RIF1: variants seen among roughly 807,000 people sequenced by gnomAD.
RIF1 encodes telomere-associated protein RIF1.
In RIF1, 45 loss-of-function variants were observed where a neutral mutation model predicts 247.1. That is an observed-to-expected ratio of 0.18 (90% CI 0.14 to 0.23). The LOEUF (loss-of-function observed/expected upper bound fraction) is 0.23, where lower values mean the gene tolerates loss of function less well. Ranked by LOEUF, RIF1 falls within the 10% of genes least tolerant of loss-of-function variation. RIF1 has a pLI of 1.00. For missense variants in RIF1, 2,967 were observed against 2,862.5 expected, an observed-to-expected ratio of 1.04 and a Z score of -0.83; for synonymous variants, 1,087 against 978.8, an observed-to-expected ratio of 1.11 and a Z score of -2.06.
At chr2:151,421,127 A>G (rs1688096065) in intron 7 of RIF1, among the ~76,000 whole-genome samples, 1 of 152,226 alleles carries the variant, frequency 6.6e-6, no homozygotes, top group South Asian at 2.1e-4. Flanking sequence ...GGCATCTGAT[A>G]TGTGCAGTGC....
At chr2:151,522,656 G>A in the RIF1 span, among the ~76,000 whole-genome samples, 1 of 152,208 alleles carries the variant, frequency 6.6e-6, no homozygotes, top group African/African-American at 2.4e-5. Context: ...AACCTGGTCA[G>A]TCTCCTGACC....
At chr2:151,497,935 G>A (rs547170182) in intron 10 of RIF1, 2 of 1,448,302 alleles carry the variant, frequency 1.4e-6, no homozygotes, top group Admixed American at 2.9e-5. Flanking sequence ...GGCTGTCAGA[G>A]TTATCCATGT....
the RIF1 span, chr2:151,525,411 T>G: frequency 4.7e-6 from 3 of 640,360 alleles, no homozygotes; most frequent in Non-Finnish European, 8.2e-6. Context: ...AGACCCATAT[T>G]CTAGTTCTTC....
chr2:151,495,432 C>T (rs1194771445), intron 10 of RIF1: 1 of 129,092 alleles, frequency 7.7e-6, no homozygotes, highest in Non-Finnish European at 1.7e-5. Flanking sequence ...CTTCACAAAC[C>T]CTGCACGTTA....
Position 151,438,958 on chromosome 2 carries a change from A to G in RIF1, c.1546+212A>G, listed in dbSNP as rs114948641. ...CCACCACATGGTCCAAAATCTACAT[A>G]TAACTTCAGACTCCCCCAGAACTTA... On this transcript the variant is annotated intron_variant, in intron 14 of 35. Coordinates refer to ENST00000444746, the MANE Select transcript of RIF1 (RefSeq NM_018151.5). 3.8e-3 allele frequency among the ~76,000 whole-genome samples: 574 copies of G among 152,348 alleles called. 3 individuals are homozygous for G. Among genetic ancestry groups the G allele is most frequent in the African/African-American group, 0.013 (549 of 41,584 alleles).
In RIF1 at chr2:151,496,572, C is replaced by A. The variant is rs185128155; in HGVS notation, c.*513+1246C>A. Among the ~76,000 whole-genome samples, 312 of 152,234 alleles carry A rather than the reference C, an allele frequency of 2.0e-3. 1 individual carries two copies. Among genetic ancestry groups the A allele is most frequent in the African/African-American group, 6.9e-3 (288 of 41,550 alleles). ...TCTGCACCCTCTAGAGAAGCAGGGA[C>A]CTCAGCTGCTGGGGAAAGGCTGTCA... On this transcript the variant is annotated intron_variant and NMD_transcript_variant, in intron 10 of 13. Coordinates refer to the RIF1 transcript ENST00000454583.
At chr2:151,447,883 T>C (rs1402292018) in intron 20 of RIF1, among the ~76,000 whole-genome samples, 1 of 152,174 alleles carries the variant, frequency 6.6e-6, no homozygotes, top group African/African-American at 2.4e-5. Context: ...TTTTCTATTA[T>C]TTATTACTGT....
chr2:151,441,124 G>A (rs1366619122), intron 15 of RIF1, among the ~76,000 whole-genome samples: 2 of 152,120 alleles, frequency 1.3e-5, no homozygotes, highest in African/African-American at 4.8e-5. Context: ...TGGAAGCAGA[G>A]GTGGGAGAAT....
In RIF1 at chr2:151,469,762, T is replaced by G. The variant is rs762774845; in HGVS notation, c.6993T>G (p.Gly2331=). 1.2e-6 allele frequency: 2 copies of G among 1,609,222 alleles called. No homozygotes were observed. Among genetic ancestry groups the G allele is most frequent in the South Asian group, 2.2e-5 (2 of 90,352 alleles). Reference sequence around the variant, plus strand: ...GAGCTAAGAATATAAAAACTATTGGTGATTTGAGTACTCTTACAGCATCTG... The same window carrying G: ...GAGCTAAGAATATAAAAACTATTGGGGATTTGAGTACTCTTACAGCATCTG... ...LIRAKNIKTI[G]DLSTLTASEI... is the part of the protein sequence containing the mutation. Residue 2331 remains glycine, a synonymous_variant, in exon 34 of 36, where the codon GGT becomes GGG. Transcript: ENST00000444746.
In RIF1 at chr2:151,409,951, G is replaced by A. The variant is rs75732944; in HGVS notation, c.-93G>A. On this transcript the variant is annotated 5_prime_UTR_variant, in exon 1 of 36. Transcript: ENST00000444746. ...AGCGCGCCGCACGCGTGAGTAAACAGCCGGAGCTGGGAAAGTCGAGCTCTG... is the reference window on the plus strand; with the variant it reads ...AGCGCGCCGCACGCGTGAGTAAACAACCGGAGCTGGGAAAGTCGAGCTCTG... The A allele has an allele frequency of 2.9e-6, 2 of 701,714 alleles. No individual in the cohort carries two copies. Among genetic ancestry groups the A allele is most frequent in the African/African-American group, 1.7e-5 (1 of 57,362 alleles). 43.5% of individuals were successfully genotyped at this position (701,714 alleles called of 1,614,324 possible). A position where few individuals can be genotyped will look rare whatever the true frequency, so the allele number is the denominator to read the frequency against.
intron 34 of RIF1, 23 bp downstream of exon 34, chr2:151,469,887 T>C (rs1185353486): frequency 6.5e-7 from 1 of 1,537,712 alleles, no homozygotes; most frequent in East Asian, 2.3e-5. Context: ...ATATTAGCTA[T>C]GATGTATATT....
intron 8 of RIF1, among the ~76,000 whole-genome samples, chr2:151,426,948 A>G (rs1482511179): frequency 6.6e-6 from 1 of 152,140 alleles, no homozygotes; most frequent in South Asian, 2.1e-4. Context: ...TGCCAGGCCT[A>G]GGTCTTTAAT....
the RIF1 span, chr2:151,532,133 G>C: frequency 2.8e-6 from 1 of 354,366 alleles, no homozygotes; most frequent in East Asian, 5.8e-5. Flanking sequence ...GTCTTACTCT[G>C]TCACCCAGGC....
At chr2:151,438,561 A>G (rs568433414) in intron 13 of RIF1, 123 bp from the exon 14 acceptor site, 45 of 682,954 alleles carry the variant, frequency 6.6e-5, no homozygotes, top group Non-Finnish European at 8.5e-5. Context: ...TATCATGAGG[A>G]AAATTAAATT....
the RIF1 span, among the ~76,000 whole-genome samples, chr2:151,523,738 G>A: frequency 5.3e-5 from 8 of 152,202 alleles, no homozygotes; most frequent in Non-Finnish European, 1.2e-4. Context: ...AGATCTGCAA[G>A]AATGTGGCAT....
chr2:151,459,330 A>G (rs1457170757), intron 25 of RIF1, among the ~76,000 whole-genome samples: 3 of 152,324 alleles, frequency 2.0e-5, no homozygotes, highest in South Asian at 2.1e-4. Flanking sequence ...TCTTTGGCTA[A>G]TAATATTTGA....
intron 34 of RIF1, among the ~76,000 whole-genome samples, chr2:151,471,063 T>C (rs1353647388): frequency 6.6e-6 from 1 of 152,096 alleles, no homozygotes; most frequent in Non-Finnish European, 1.5e-5. Flanking sequence ...ACTGACCCAT[T>C]AGCTATCACT....
chr2:151,490,275 A>G, intron 9 of RIF1: 1 of 1,449,146 alleles, frequency 6.9e-7, no homozygotes, highest in Non-Finnish European at 9.3e-7. Flanking sequence ...AGGATGAAAA[A>G]TTTTTAAATT....
At chr2:151,498,364 G>T in intron 10 of RIF1, 1 of 1,525,860 alleles carries the variant, frequency 6.6e-7, no homozygotes, top group African/African-American at 1.4e-5. Context: ...TGTATGATGA[G>T]AAAGCATCCA....
Sources: allele counts gnomAD v4.1 joint callset (sites outside exome capture counted in the v4.1 genomes callset), GRCh38; gene constraint gnomAD v4.1.1; transcripts MANE v1.5; gene names NCBI Gene and HGNC (gene_info 2026-07-23, HGNC 2026-07-21).